The following EYA3 variants were observed in gnomAD, a reference collection of about 807,000 sequenced individuals.
EYA3 encodes EYA transcriptional coactivator and phosphatase 3.
In EYA3, 39 loss-of-function variants were observed where a neutral mutation model predicts 80.0. The observed-to-expected ratio is 0.49, with a 90% CI of 0.38 to 0.64. The LOEUF (loss-of-function observed/expected upper bound fraction) is 0.64. EYA3 is among the 30% of genes least tolerant of loss of function. The probability of loss-of-function intolerance (pLI) is 0.00; values close to 1 mark genes in which losing one functional copy is unlikely to be tolerated. For missense variants in EYA3, 523 were observed against 676.1 expected, an observed-to-expected ratio of 0.77 and a Z score of 2.51; for synonymous variants, 206 against 232.8, an observed-to-expected ratio of 0.88 and a Z score of 1.05.
intron 10 of EYA3, among the ~76,000 whole-genome samples, chr1:28,008,234 T>C (rs975615534): frequency 1.3e-5 from 2 of 151,998 alleles, no homozygotes; most frequent in African/African-American, 4.8e-5. Flanking sequence ...AAACTGGATA[T>C]CCATATGCAA....
At chr1:28,063,352 CTTTTTTTTTT>C (rs371840536) in intron 1 of EYA3, among the ~76,000 whole-genome samples, 1 of 93,526 alleles carries the variant, frequency 1.1e-5, no homozygotes, top group African/African-American at 4.6e-5. Context: ...TAACTAAAAC[CTTTTTTTTTT>C]TTTTTTTTTT....
chr1:28,039,494 C>T (rs1244322706), intron 4 of EYA3, among the ~76,000 whole-genome samples: 2 of 152,198 alleles, frequency 1.3e-5, no homozygotes, highest in African/African-American at 4.8e-5. Context: ...ACGTGAGGAA[C>T]TGATGTGATA....
Position 28,027,799 on chromosome 1 carries a change from A to AT in EYA3, c.488dup (p.Tyr163Ter), listed in dbSNP as rs761554106. 2 of 1,614,162 alleles carry AT rather than the reference A, an allele frequency of 1.2e-6. No homozygotes were observed. Among genetic ancestry groups the AT allele is most frequent in the Admixed American group, 3.3e-5 (2 of 60,020 alleles). Residue 163 changes from tyrosine to a stop codon, truncating the protein, a stop_gained and frameshift_variant, in exon 7 of 18, where the codon TAT becomes TAAT. Transcript: ENST00000373871. LOFTEE classifies it high-confidence loss of function. ...TSQPSPAHYS[Y>*]PIQASSTNAS... Reference sequence around the variant, plus strand: ...ACCATGCCTATTTACCTTGAATGGGATAAGAATAATGTGCTGGGCTTGGCT... The same window carrying AT: ...ACCATGCCTATTTACCTTGAATGGGATTAAGAATAATGTGCTGGGCTTGGCT...
chr1:28,038,988 G>A, intron 4 of EYA3, 83 bp from the exon 5 acceptor site: 1 of 809,252 alleles, frequency 1.2e-6, no homozygotes, highest in South Asian at 1.7e-5. Context: ...TCACTGTATA[G>A]TCTTTCAAAC....
chr1:27,990,870 C>A (rs1187483303), intron 14 of EYA3, among the ~76,000 whole-genome samples: 1 of 148,620 alleles, frequency 6.7e-6, no homozygotes, highest in East Asian at 2.0e-4. Context: ...TTTTTAATTT[C>A]TCTTCTTGGA....
chr1:28,020,247 C>T (rs894510592), intron 7 of EYA3, among the ~76,000 whole-genome samples: 21 of 152,106 alleles, frequency 1.4e-4, no homozygotes, highest in African/African-American at 5.1e-4. Context: ...TTAACAAGTA[C>T]TGTATTAAAA....
At chr1:28,038,448 A>AAAAAAAAAAAAAAAAAAAC (rs1643580396) in intron 5 of EYA3, among the ~76,000 whole-genome samples, 1 of 150,256 alleles carries the variant, frequency 6.7e-6, no homozygotes, top group African/African-American at 2.4e-5. Flanking sequence ...TTAAAAAAAA[A>AAAAAAAAAAAAAAAAAAAC]AAAAAAAAAA....
At chr1:28,055,724 AC>A (rs1571911511) in intron 2 of EYA3, among the ~76,000 whole-genome samples, 1 of 151,886 alleles carries the variant, frequency 6.6e-6, no homozygotes, top group East Asian at 1.9e-4. Context: ...ACCCACCTCC[AC>A]CACCCAAAGT....
At chr1:28,073,170 T>C (rs1645090271) in intron 1 of EYA3, among the ~76,000 whole-genome samples, 1 of 131,898 alleles carries the variant, frequency 7.6e-6, no homozygotes, top group African/African-American at 2.9e-5. Context: ...TTTCACTCTG[T>C]TGCCCAGGCT....
At chr1:28,046,947 A>T (rs1323847225) in intron 3 of EYA3, among the ~76,000 whole-genome samples, 1 of 151,746 alleles carries the variant, frequency 6.6e-6, no homozygotes, top group Non-Finnish European at 1.5e-5. Flanking sequence ...CCCTGGGCTC[A>T]AGCAATCCTC....
At chr1:28,043,681 T>C (rs1344476459) in intron 3 of EYA3, among the ~76,000 whole-genome samples, 1 of 151,992 alleles carries the variant, frequency 6.6e-6, no homozygotes, top group Non-Finnish European at 1.5e-5. Flanking sequence ...CTACTAAAAA[T>C]ACAAAAATTA....
Position 28,035,671 on chromosome 1 carries a change from T to A in EYA3, c.234A>T (p.Ala78=). ...TSQMYSAKPY[A]HILSVPVSET... The stretch of plus-strand genomic sequence containing the variant: ...CCGAAACAGGAACTGAGAGAATATG[T>A]GCATAAGGTCTGGAAAATTTCATGA... The change falls in exon 6 of 18, where the codon GCA becomes GCT. Residue 78 remains alanine (A), a synonymous_variant. Coordinates refer to ENST00000373871, the MANE Select transcript of EYA3 (RefSeq NM_001990.4). 1 of 1,610,192 alleles carries A rather than the reference T, an allele frequency of 6.2e-7. No homozygotes were observed. Among genetic ancestry groups the A allele is most frequent in the Non-Finnish European group, 8.5e-7 (1 of 1,178,994 alleles).
rs1192487046 is a variant in EYA3 at position 27,997,364 on chromosome 1, T to C, written c.1098A>G (p.Val366=). 10 of 1,614,006 alleles carry C rather than the reference T, an allele frequency of 6.2e-6. No individual in the cohort carries two copies. Among genetic ancestry groups the C allele is most frequent in the East Asian group, 2.2e-5 (1 of 44,896 alleles). ...CATCAGAAGCCACATCTTCCACATG[T>C]ACCTGGTCACACTCCTGTTAAAAGA... ...FFNDLEECDQ[V]HVEDVASDDN... The change falls in exon 13 of 18, where the codon GTA becomes GTG. Residue 366 remains valine (V), a synonymous_variant. Coordinates refer to ENST00000373871, the MANE Select transcript of EYA3 (RefSeq NM_001990.4).
intron 4 of EYA3, among the ~76,000 whole-genome samples, chr1:28,041,263 C>T (rs1643761840): frequency 6.6e-6 from 1 of 152,124 alleles, no homozygotes; most frequent in Non-Finnish European, 1.5e-5. Context: ...ATTCGGAAGG[C>T]TGAGTCAGGA....
At chr1:27,976,719 CTTTG>C (rs747527748) in intron 17 of EYA3, among the ~76,000 whole-genome samples, 14 of 152,064 alleles carry the variant, frequency 9.2e-5, no homozygotes, top group African/African-American at 2.4e-4. Flanking sequence ...TTGGTATATA[CTTTG>C]TTTGTTTTTT....
intron 5 of EYA3, among the ~76,000 whole-genome samples, chr1:28,036,728 T>C (rs1643473759): frequency 6.6e-6 from 1 of 152,234 alleles, no homozygotes; most frequent in Non-Finnish European, 1.5e-5. Flanking sequence ...GATATTGCAC[T>C]GAATTTTTAG....
chr1:27,995,464 T>G (rs559319187), intron 13 of EYA3, among the ~76,000 whole-genome samples: 1 of 146,346 alleles, frequency 6.8e-6, no homozygotes, highest in Non-Finnish European at 1.5e-5. Flanking sequence ...AAGCTGGGTG[T>G]AGTTGCTCAC....
chr1:27,987,937 T>A (rs557013333), intron 16 of EYA3, among the ~76,000 whole-genome samples: 1 of 152,316 alleles, frequency 6.6e-6, no homozygotes, highest in South Asian at 2.1e-4. Flanking sequence ...CAAGATCACA[T>A]AGCTCACTGC....
intron 11 of EYA3, among the ~76,000 whole-genome samples, chr1:28,002,668 C>T (rs1408198063): frequency 2.0e-5 from 3 of 151,744 alleles, no homozygotes; most frequent in South Asian, 2.1e-4. Flanking sequence ...CAAAATTAGC[C>T]GGGTATGGTG....
Sources: gnomAD v4.1 joint callset for allele counts (sites outside exome capture counted in the v4.1 genomes callset) on GRCh38, gnomAD v4.1.1 for gene constraint, MANE v1.5 for transcripts, NCBI Gene and HGNC (gene_info 2026-07-23, HGNC 2026-07-21) for gene names.